Variants in ADCY9 observed in about 807,000 individuals in gnomAD.
The protein encoded by ADCY9 is adenylate cyclase 9.
In ADCY9, 50 loss-of-function variants were observed where a neutral mutation model predicts 101.5. The ratio of observed to expected loss-of-function variants is 0.49; its 90% CI spans 0.39 to 0.62. The LOEUF is 0.62. ADCY9 is among the 20% of genes least tolerant of loss of function. The pLI is 0.00. For synonymous variants in ADCY9, 905 were observed against 769.3 expected (o/e 1.18, Z -2.92); for missense variants, 1,662 against 1,800.4 (o/e 0.92, Z 1.39).
At chr16:4,069,062 C>T (rs891503629) in intron 2 of ADCY9, among the ~76,000 whole-genome samples, 1 of 152,018 alleles carries the variant, frequency 6.6e-6, no homozygotes, top group Non-Finnish European at 1.5e-5. Context: ...AGTGAAAGGA[C>T]TTGGTCAAAT....
chr16:4,097,551 ATATTTTTTT>A (rs1370102037), intron 2 of ADCY9, among the ~76,000 whole-genome samples: 7 of 51,038 alleles, frequency 1.4e-4, no homozygotes, highest in Non-Finnish European at 1.6e-4. Context: ...ATATATATAT[ATATTTTTTT>A]TTTTTTTTTT....
chr16:4,026,550 T>C (rs1019050081), intron 2 of ADCY9, among the ~76,000 whole-genome samples: 1 of 152,086 alleles, frequency 6.6e-6, no homozygotes, highest in Non-Finnish European at 1.5e-5. Flanking sequence ...CAAATGTTTG[T>C]AGCGGCACTA....
intron 9 of ADCY9, among the ~76,000 whole-genome samples, chr16:3,975,926 A>C (rs74003484): frequency 8.6e-4 from 131 of 152,356 alleles, no homozygotes; most frequent in African/African-American, 3.1e-3. Context: ...CAACACATTT[A>C]GTTGAAAAGG....
intron 2 of ADCY9, among the ~76,000 whole-genome samples, chr16:4,065,894 G>A (rs1273724740): frequency 6.6e-6 from 1 of 152,196 alleles, no homozygotes; most frequent in East Asian, 1.9e-4. Flanking sequence ...AGTAGAGACT[G>A]GGTCTCACCA....
intron 2 of ADCY9, among the ~76,000 whole-genome samples, chr16:4,105,840 T>G (rs1029420066): frequency 6.6e-6 from 1 of 152,098 alleles, no homozygotes; most frequent in Non-Finnish European, 1.5e-5. Flanking sequence ...AGGAAGACCC[T>G]GTCTCAAAAA....
intron 2 of ADCY9, among the ~76,000 whole-genome samples, chr16:4,038,280 CAAA>C (rs71394643): frequency 1.0e-4 from 11 of 108,092 alleles, no homozygotes; most frequent in Admixed American, 5.1e-4. Flanking sequence ...GATTCTGTCT[CAAA>C]AAAAAAAAAA....
chr16:4,072,830 T>C (rs2056842786), intron 2 of ADCY9, among the ~76,000 whole-genome samples: 1 of 151,224 alleles, frequency 6.6e-6, no homozygotes, highest in Admixed American at 6.6e-5. Flanking sequence ...GGGGTGACAG[T>C]GGGAATTGGG....
In ADCY9 at chr16:3,983,254, G is replaced by T; in HGVS notation, c.2497C>A (p.Leu833Met). Residue 833 changes from leucine (L) to methionine (M), a missense_variant, in exon 7 of 11, where the codon CTG (leucine) becomes ATG (methionine). Transcript: ENST00000294016. The part of the protein sequence containing the change: ...VFSAALLLEV[L>M]SLAVSIRMVF... ...TACCTGATGGACACCGCGAGGGACAGCACCTCCAGCAGCAGGGCTGCACTG... is the reference window on the plus strand; with the variant it reads ...TACCTGATGGACACCGCGAGGGACATCACCTCCAGCAGCAGGGCTGCACTG... The T allele has an allele frequency of 6.4e-7, 1 of 1,551,802 alleles. No homozygotes were observed. Among genetic ancestry groups the T allele is most frequent in the Non-Finnish European group, 8.7e-7 (1 of 1,147,420 alleles).
chr16:3,972,855 G>A (rs2056064605), intron 10 of ADCY9, among the ~76,000 whole-genome samples: 1 of 152,070 alleles, frequency 6.6e-6, no homozygotes. Flanking sequence ...TTAAATGGGT[G>A]TGTTCTCTGG....
In ADCY9 at chr16:4,009,278, GTTT is replaced by G. The variant is rs869088545; in HGVS notation, c.1694-1723_1694-1721del. Among the ~76,000 whole-genome samples, 50 of 105,886 alleles carry G rather than the reference GTTT, an allele frequency of 4.7e-4. No homozygotes were observed. The Middle Eastern group carries it at 0.016, about 33-fold the overall frequency. The allele number at this position is 105,886 out of a possible 152,430, so 69.5% of individuals were successfully genotyped here. On this transcript the variant is annotated intron_variant, in intron 2 of 10. Coordinates refer to ENST00000294016, the MANE Select transcript of ADCY9 (RefSeq NM_001116.4). ...GTTTTGTTTTGTTTTGTTTTGTTTT[GTTT>G]TTCCTTTAGAGATAGGGTCTTGCTC...
intron 2 of ADCY9, among the ~76,000 whole-genome samples, chr16:4,018,288 ACTGCAACCTCTGC>A (rs1171743578): frequency 6.8e-6 from 1 of 146,852 alleles, no homozygotes; most frequent in African/African-American, 2.5e-5. Flanking sequence ...ATCTCGGCTC[ACTGCAACCTCTGC>A]CTCCCGGGTT....
rs1343103186 is a variant in ADCY9 at position 4,115,686 on chromosome 16, G to A, written c.-44+4C>T. ...GAGGCGCACGAGAACCGCTCGGGAC[G>A]GACCTAGAACGCCCGGGGGTCCCCG... On this transcript the variant is annotated splice_donor_region_variant and intron_variant, in intron 1 of 10. Coordinates refer to ENST00000294016, the MANE Select transcript of ADCY9 (RefSeq NM_001116.4). The surrounding 1 kb of genome is among the most constrained non-coding windows in gnomAD (Gnocchi z 6.2). The A allele has an allele frequency of 2.0e-6, 1 of 493,376 alleles. No individual in the cohort carries two copies. Among genetic ancestry groups the A allele is most frequent in the Non-Finnish European group, 3.5e-6 (1 of 285,664 alleles). The allele number at this position is 493,376 out of a possible 1,614,324, so 30.6% of individuals were successfully genotyped here.
rs771269498 is a variant in ADCY9, at chr16:4,115,611, G to C, written c.-44+79C>G. On this transcript the variant is annotated intron_variant, in intron 1 of 10. Coordinates refer to ENST00000294016, the MANE Select transcript of ADCY9 (RefSeq NM_001116.4). This position sits in a 1 kb window ranked among gnomAD's most constrained non-coding sequence, Gnocchi z 6.2. ...ACCTGGACAGGCACCATCTGTTCCT[G>C]TGGTTCCCGGCTCAGCGGTGCTCCC... 1.1e-3 allele frequency: 913 copies of C among 804,522 alleles called. 1 individual carries two copies. Among genetic ancestry groups the C allele is most frequent in the Non-Finnish European group, 1.6e-3 (842 of 529,456 alleles). 49.8% of individuals were successfully genotyped at this position (804,522 alleles called of 1,614,324 possible).
rs1250062290 is a variant in ADCY9, at chr16:4,039,202, C to G, written c.1694-31644G>C. ...TACCAGGCCCCAAGCCCCTTTCCAC[C>G]CCCATCTCCCATGTCCTCCATCTTT... On this transcript the variant is annotated intron_variant, in intron 2 of 10. Transcript: ENST00000294016. Among the ~76,000 whole-genome samples the G allele has an allele frequency of 2.0e-5, 3 of 152,142 alleles. No individual in the cohort carries two copies. In the South Asian group the frequency reaches 6.2e-4, roughly 32 times the overall value.
chr16:4,111,848 G>C (rs1489967947), intron 2 of ADCY9, among the ~76,000 whole-genome samples: 1 of 124,736 alleles, frequency 8.0e-6, no homozygotes, highest in African/African-American at 2.6e-5. Context: ...ACTCACTCTA[G>C]CATTTTTTTT....
At position 3,992,108 on chromosome 16, in the gene ADCY9, T is replaced by C. The variant is rs771126398; in HGVS notation, c.2207+38A>G. The stretch of plus-strand genomic sequence containing the variant: ...AGAAAAAGGCAGAGAGGCTTCTGCC[T>C]GCAACCTTTGCTTTTTCCCAGACAG... On this transcript the variant is annotated intron_variant, in intron 5 of 10. Coordinates refer to ENST00000294016, the MANE Select transcript of ADCY9 (RefSeq NM_001116.4). The surrounding 1 kb of genome is among the most constrained non-coding windows in gnomAD (Gnocchi z 4.2). 2.6e-5 allele frequency: 42 copies of C among 1,599,794 alleles called. No homozygotes were observed. The South Asian group carries it at 4.5e-4, about 17-fold the overall frequency.
intron 6 of ADCY9, among the ~76,000 whole-genome samples, chr16:3,985,065 G>A (rs1442112552): frequency 1.4e-4 from 21 of 152,202 alleles, no homozygotes. Context: ...GCCCAAAAGG[G>A]CAAGTCAGGT....
At chr16:4,038,497 C>T (rs1383611765) in intron 2 of ADCY9, among the ~76,000 whole-genome samples, 2 of 152,108 alleles carry the variant, frequency 1.3e-5, no homozygotes, top group African/African-American at 2.4e-5. Flanking sequence ...CTGGACTTCT[C>T]GGCCTCCAGA....
rs564009227 is a variant in ADCY9 at position 4,029,670 on chromosome 16, G to A, written c.1694-22112C>T. On this transcript the variant is annotated intron_variant, in intron 2 of 10. Transcript: ENST00000294016. ...ACTGAGGCAAAAGAATGTTGAACCC[G>A]GGAGGTGGAGGTTGCAATGAGCCGA... Among the ~76,000 whole-genome samples the A allele has an allele frequency of 3.1e-3, 475 of 152,280 alleles. 1 individual carries two copies. Among genetic ancestry groups the A allele is most frequent in the Non-Finnish European group, 5.2e-3 (357 of 68,030 alleles).
Sources: gnomAD v4.1 joint callset for allele counts (sites outside exome capture counted in the v4.1 genomes callset) on GRCh38, gnomAD v4.1.1 for gene constraint, Gnocchi (gnomAD v3.1) non-coding constraint, MANE v1.5 for transcripts, NCBI Gene and HGNC (gene_info 2026-07-23, HGNC 2026-07-21) for gene names.